The following CECR2 variants were observed in gnomAD, a reference collection of about 807,000 sequenced individuals.
The protein encoded by CECR2 is CECR2 histone acetyl-lysine reader, also known as chromatin remodeling regulator CECR2.
A neutral mutation model predicts 154.5 loss-of-function variants in CECR2; 30 were observed. That is an observed-to-expected ratio of 0.19 (90% confidence interval 0.15 to 0.26). The LOEUF (loss-of-function observed/expected upper bound fraction) is 0.26. CECR2 is among the 10% of genes least tolerant of loss of function. The pLI is 1.00. For synonymous variants in CECR2, 725 were observed against 683.7 expected (o/e 1.06, Z -0.94); for missense variants, 1,743 against 1,829.3 (o/e 0.95, Z 0.86).
intron 2 of CECR2, among the ~76,000 whole-genome samples, chr22:17,479,761 CTTTCTT>C (rs2055273618): frequency 7.6e-6 from 1 of 131,086 alleles, no homozygotes; most frequent in Non-Finnish European, 1.6e-5. Context: ...ACAATGTGGT[CTTTCTT>C]TTTTTTTTTT....
chr22:17,379,301 AAG>A (rs1180789005), intron 1 of CECR2, among the ~76,000 whole-genome samples: 6 of 152,110 alleles, frequency 3.9e-5, no homozygotes, highest in East Asian at 1.9e-4. Flanking sequence ...TTAAGGAAAG[AAG>A]AGAGTTTGGG....
At chr22:17,490,138 G>GT (rs759001714) in intron 2 of CECR2, among the ~76,000 whole-genome samples, 577 of 146,686 alleles carry the variant, frequency 3.9e-3, no homozygotes, top group African/African-American at 0.01. Flanking sequence ...GTTCCTTACT[G>GT]TTTTTTTTTT....
intron 2 of CECR2, among the ~76,000 whole-genome samples, chr22:17,491,661 T>C (rs112772907): frequency 1.7e-3 from 256 of 152,200 alleles, no homozygotes; most frequent in African/African-American, 5.9e-3. Context: ...AGAATTTTTA[T>C]TGTACCTCTT....
chr22:17,507,859 T>G (rs2055874920), intron 7 of CECR2, among the ~76,000 whole-genome samples: 1 of 152,056 alleles, frequency 6.6e-6, no homozygotes, highest in African/African-American at 2.4e-5. Context: ...GTAAGAAAAA[T>G]CTAAATTGGG....
chr22:17,363,181 C>A (rs556442361), intron 1 of CECR2, among the ~76,000 whole-genome samples: 1 of 151,394 alleles, frequency 6.6e-6, no homozygotes, highest in African/African-American at 2.4e-5. Flanking sequence ...TACCGAGTAG[C>A]TGGGACTACA....
In CECR2 at chr22:17,545,334, C is replaced by T. The variant is rs187375089; in HGVS notation, c.2860+2331C>T. 5.9e-3 allele frequency among the ~76,000 whole-genome samples: 774 copies of T among 131,570 alleles called. 8 individuals are homozygous for T. Among genetic ancestry groups the T allele is most frequent in the African/African-American group, 0.022 (735 of 33,414 alleles). The allele number at this position is 131,570 out of a possible 152,430, so 86.3% of individuals were successfully genotyped here. A position where few individuals can be genotyped will look rare whatever the true frequency, so the allele number is the denominator to read the frequency against. On this transcript the variant is annotated intron_variant, in intron 16 of 18. Transcript: ENST00000262608. ...AGCTTGCAGTGAGCCGAGATCACGC[C>T]ACTGCACTCCAGCCTGGGCGAAACA...
At chr22:17,408,559 A>T (rs1211553987) in intron 1 of CECR2, among the ~76,000 whole-genome samples, 2 of 152,058 alleles carry the variant, frequency 1.3e-5, no homozygotes. Flanking sequence ...TCCTACACTG[A>T]TTGCTTTCTC....
chr22:17,548,892 A>C lies in CECR2; in HGVS notation c.3605A>C (p.Tyr1202Ser). ...PSYHHYQRTP[Y>S]YACPQSFSDW... ...TACCACCACTATCAGCGAACTCCTT[A>C]CTATGCCTGTCCACAGAGCTTTTCT... is the stretch of plus-strand genomic sequence containing the variant. The change falls in exon 17 of 19, where the codon TAC becomes TCC. Residue 1202 changes from tyrosine to serine, a missense_variant. Physicochemically the swap from Tyr to Ser is moderately radical, Grantham distance 144 (BLOSUM62 -2). Coordinates refer to ENST00000262608, the MANE Select transcript of CECR2 (RefSeq NM_001290047.2). 1 of 1,613,362 alleles carries C rather than the reference A, an allele frequency of 6.2e-7. No individual in the cohort carries two copies. The highest frequency in any genetic ancestry group is 8.5e-7 in the Non-Finnish European group (1 of 1,179,542).
At position 17,548,807 on chromosome 22, in the gene CECR2, C is replaced by T. The variant is rs1487293869; in HGVS notation, c.3520C>T (p.Pro1174Ser). 3 of 1,613,694 alleles carry T rather than the reference C, an allele frequency of 1.9e-6. No homozygotes were observed. In the South Asian group the frequency reaches 3.3e-5, roughly 18 times the overall value. Reference sequence around the variant, plus strand: ...TAACCACCCACATTCTGGAGGCTTTCCCCGGTATCGCCCCCCACAAGGAAT... The same window carrying T: ...TAACCACCCACATTCTGGAGGCTTTTCCCGGTATCGCCCCCCACAAGGAAT... The part of the protein sequence containing the change: ...QSNHPHSGGF[P>S]RYRPPQGMRY... The change falls in exon 17 of 19, where the codon CCC becomes TCC. Residue 1174 changes from proline (P) to serine (S), a missense_variant. Transcript: ENST00000262608.
intron 1 of CECR2, among the ~76,000 whole-genome samples, chr22:17,443,167 T>G (rs545145811): frequency 3.3e-5 from 5 of 152,296 alleles, no homozygotes; most frequent in Non-Finnish European, 7.3e-5. Flanking sequence ...TCAGCAGCCA[T>G]TCTACAAATC....
chr22:17,451,883 A>G (rs1282148319), intron 1 of CECR2, among the ~76,000 whole-genome samples: 1 of 152,188 alleles, frequency 6.6e-6, no homozygotes, highest in Admixed American at 6.5e-5. Context: ...AAATCATACA[A>G]CTGTCTCAAA....
In CECR2 at chr22:17,549,390, C is replaced by A. The variant is rs1310725114; in HGVS notation, c.4103C>A (p.Ala1368Asp). Residue 1368 changes from alanine (A) to aspartate (D), a missense_variant, in exon 17 of 19, where the codon GCT (alanine) becomes GAT (aspartate). Ala to Asp is a moderately radical substitution (Grantham distance 126, BLOSUM62 -2). Coordinates refer to ENST00000262608, the MANE Select transcript of CECR2 (RefSeq NM_001290047.2). ...CCCAGGGCTTACTCTTCCCCTGTGGCTGCCCTCCCACCTCACCACCCAGGG... is the reference window on the plus strand; with the variant it reads ...CCCAGGGCTTACTCTTCCCCTGTGGATGCCCTCCCACCTCACCACCCAGGG... ...FQPRAYSSPV[A>D]ALPPHHPGAT... The A allele has an allele frequency of 1.2e-6, 2 of 1,613,802 alleles. No individual in the cohort carries two copies. Among genetic ancestry groups the A allele is most frequent in the Non-Finnish European group, 1.7e-6 (2 of 1,179,872 alleles).
intron 8 of CECR2, among the ~76,000 whole-genome samples, chr22:17,517,681 G>A (rs1330227564): frequency 6.6e-6 from 1 of 152,176 alleles, no homozygotes; most frequent in Admixed American, 6.5e-5. Context: ...CGTATACCTA[G>A]CATTGCTTTT....
rs12168405 is a variant in CECR2 at position 17,457,579 on chromosome 22, G to C, written c.127-20009G>C. Among the ~76,000 whole-genome samples, 997 of 152,324 alleles carry C rather than the reference G, an allele frequency of 6.5e-3. 6 individuals carry two copies. Among genetic ancestry groups the C allele is most frequent in the African/African-American group, 0.022 (932 of 41,572 alleles). ...CATTTTGTCCACTGTATCCCCAACA[G>C]CTAGACGGTTGCCTTGCACATGAGT... On this transcript the variant is annotated intron_variant, in intron 1 of 18. Transcript: ENST00000262608.
chr22:17,532,700 CTTTTTTTTTTTTTTTT>C (rs695634), intron 9 of CECR2, among the ~76,000 whole-genome samples: 5 of 35,790 alleles, frequency 1.4e-4, no homozygotes, highest in Middle Eastern at 0.036. Context: ...CATTATTATT[CTTTTTTTTTTTTTTTT>C]TTTTTTTTTT....
intron 2 of CECR2, among the ~76,000 whole-genome samples, chr22:17,491,874 C>T (rs1214780401): frequency 2.0e-5 from 3 of 152,122 alleles, no homozygotes; most frequent in South Asian, 4.1e-4. Context: ...GCAGATTCTG[C>T]CTTAACCATA....
At chr22:17,450,660 G>A (rs1019675772) in intron 1 of CECR2, among the ~76,000 whole-genome samples, 1 of 152,218 alleles carries the variant, frequency 6.6e-6, no homozygotes, top group African/African-American at 2.4e-5. Context: ...ACCATTATCT[G>A]TGTGGATGTA....
At chr22:17,363,755 C>T (rs2146421484) in intron 1 of CECR2, among the ~76,000 whole-genome samples, 1 of 152,296 alleles carries the variant, frequency 6.6e-6, no homozygotes, top group East Asian at 1.9e-4. Flanking sequence ...CCCACCTCAG[C>T]ATCTGGAGTA....
intron 1 of CECR2, among the ~76,000 whole-genome samples, chr22:17,446,768 C>T (rs985761023): frequency 6.6e-6 from 1 of 151,994 alleles, no homozygotes; most frequent in Non-Finnish European, 1.5e-5. Context: ...TGAGCAGCAG[C>T]AAGATTTATT....
Sources: allele counts gnomAD v4.1 joint callset (sites outside exome capture counted in the v4.1 genomes callset), GRCh38; gene constraint gnomAD v4.1.1; transcripts MANE v1.5; gene names NCBI Gene and HGNC (gene_info 2026-07-23, HGNC 2026-07-21).